CTNNA3: variants seen among roughly 807,000 people sequenced by gnomAD.
CTNNA3 encodes the protein catenin alpha 3, also known as catenin alpha-3.
Under a neutral mutation model 95.7 loss-of-function variants are expected in CTNNA3, and 76 were observed. The observed-to-expected ratio is 0.79, with a 90% confidence interval of 0.66 to 0.96. The LOEUF is 0.96. CTNNA3 is among the 40% of genes least tolerant of loss of function. CTNNA3 has a pLI of 0.00. For missense variants in CTNNA3, 1,191 were observed against 1,089.8 expected, an observed-to-expected ratio of 1.09 and a Z score of -1.31; for synonymous variants, 431 against 374.4, an observed-to-expected ratio of 1.15 and a Z score of -1.74.
At chr10:67,710,936 A>G (rs1327008672) in intron 1 of CTNNA3, among the ~76,000 whole-genome samples, 3 of 152,104 alleles carry the variant, frequency 2.0e-5, no homozygotes, top group Non-Finnish European at 4.4e-5. Context: ...TGTGGGAGGG[A>G]CCAAGTGGGA....
chr10:66,857,965 G>T (rs1172448320), intron 7 of CTNNA3, among the ~76,000 whole-genome samples: 1 of 152,066 alleles, frequency 6.6e-6, no homozygotes, highest in Non-Finnish European at 1.5e-5. Flanking sequence ...GTGAGACAGG[G>T]CATCCTTGTC....
chr10:66,263,806 A>G (rs2091076636), intron 13 of CTNNA3, among the ~76,000 whole-genome samples: 1 of 151,926 alleles, frequency 6.6e-6, no homozygotes, highest in South Asian at 2.1e-4. Flanking sequence ...CTAAACATAC[A>G]TTACCTACTT....
intron 3 of CTNNA3, among the ~76,000 whole-genome samples, chr10:67,542,299 C>T (rs1346132214): frequency 1.3e-5 from 2 of 152,018 alleles, no homozygotes; most frequent in Non-Finnish European, 2.9e-5. Flanking sequence ...CAATAAGATT[C>T]TATGTTTTCT....
At chr10:67,210,036 G>C (rs1019942959) in intron 6 of CTNNA3, among the ~76,000 whole-genome samples, 1 of 152,202 alleles carries the variant, frequency 6.6e-6, no homozygotes, top group South Asian at 2.1e-4. Context: ...GGCCAGGCAC[G>C]GTGGCTCAAG....
intron 14 of CTNNA3, 108 bp downstream of exon 14, chr10:66,103,049 C>T: frequency 1.2e-6 from 1 of 828,292 alleles, no homozygotes; most frequent in Non-Finnish European, 2.1e-6. Flanking sequence ...ACAGAACTAG[C>T]TCCAGATCCA....
chr10:66,687,734 TAC>T (rs56196721), intron 9 of CTNNA3, among the ~76,000 whole-genome samples: 5 of 148,844 alleles, frequency 3.4e-5, no homozygotes, highest in South Asian at 2.1e-4. Flanking sequence ...CACACACACA[TAC>T]ACACACACAC....
chr10:65,993,186 A>T (rs1343486117), intron 15 of CTNNA3, among the ~76,000 whole-genome samples: 5 of 152,212 alleles, frequency 3.3e-5, no homozygotes, highest in African/African-American at 1.2e-4. Context: ...CAGGATGTCT[A>T]TGTGGTTATG....
chr10:67,324,565 C>A (rs11510949), intron 5 of CTNNA3, among the ~76,000 whole-genome samples: 6,537 of 152,164 alleles, frequency 0.043, 247 homozygotes, highest in Non-Finnish European at 0.071. Flanking sequence ...ATTGAACCAA[C>A]CTTGCATTCT....
chr10:66,966,289 C>G (rs1849406939), intron 7 of CTNNA3, among the ~76,000 whole-genome samples: 1 of 152,010 alleles, frequency 6.6e-6, no homozygotes, highest in African/African-American at 2.4e-5. Flanking sequence ...TTAAATTAAT[C>G]TTTTAAGTAA....
chr10:67,129,863 T>G (rs1859904832), intron 7 of CTNNA3, among the ~76,000 whole-genome samples: 1 of 152,134 alleles, frequency 6.6e-6, no homozygotes, highest in Admixed American at 6.6e-5. Flanking sequence ...CCACCATGAT[T>G]GTGACAGTTA....
intron 15 of CTNNA3, among the ~76,000 whole-genome samples, chr10:66,011,758 C>T (rs2079009414): frequency 6.6e-6 from 1 of 152,308 alleles, no homozygotes; most frequent in South Asian, 2.1e-4. Flanking sequence ...AATCGACACA[C>T]AGCAACTCTC....
At chr10:66,908,696 T>A (rs1846098123) in intron 7 of CTNNA3, among the ~76,000 whole-genome samples, 1 of 152,104 alleles carries the variant, frequency 6.6e-6, no homozygotes, top group African/African-American at 2.4e-5. Context: ...AAAAATTCAT[T>A]TTTATTATAG....
chr10:67,393,262 T>C (rs1013429325), intron 5 of CTNNA3, among the ~76,000 whole-genome samples: 20 of 152,124 alleles, frequency 1.3e-4, no homozygotes, highest in African/African-American at 4.1e-4. Flanking sequence ...CATACCATCA[T>C]TGTTGACCAA....
At chr10:65,947,092 T>TTG (rs2077528484) in intron 17 of CTNNA3, among the ~76,000 whole-genome samples, 1 of 38,578 alleles carries the variant, frequency 2.6e-5, no homozygotes, top group African/African-American at 2.2e-4. Flanking sequence ...TTTTGTTTGT[T>TTG]TTTTTTTTTT....
At chr10:67,120,496 A>C (rs1018726013) in intron 7 of CTNNA3, among the ~76,000 whole-genome samples, 3 of 151,964 alleles carry the variant, frequency 2.0e-5, no homozygotes, top group Non-Finnish European at 4.4e-5. Flanking sequence ...AAAATCTTAA[A>C]ATACTTTGCA....
chr10:66,425,790 C>T (rs1163544167), intron 11 of CTNNA3, among the ~76,000 whole-genome samples: 1 of 151,944 alleles, frequency 6.6e-6, no homozygotes, highest in Non-Finnish European at 1.5e-5. Context: ...CACAGCTGTA[C>T]TGCTCTATAA....
intron 9 of CTNNA3, among the ~76,000 whole-genome samples, chr10:66,760,883 C>T (rs542150227): frequency 6.6e-6 from 1 of 152,214 alleles, no homozygotes; most frequent in East Asian, 1.9e-4. Flanking sequence ...CCTATAGCAT[C>T]CCTTCCCTAC....
At chr10:67,375,565 A>G (rs533172484) in intron 5 of CTNNA3, among the ~76,000 whole-genome samples, 12 of 152,186 alleles carry the variant, frequency 7.9e-5, no homozygotes, top group African/African-American at 2.9e-4. Context: ...GTGAGCCAAG[A>G]GCACTCCACC....
At chr10:66,748,271 C>T (rs751589116) in intron 9 of CTNNA3, among the ~76,000 whole-genome samples, 1 of 152,148 alleles carries the variant, frequency 6.6e-6, no homozygotes, top group Non-Finnish European at 1.5e-5. Flanking sequence ...AAAGCAATTC[C>T]GCAGACATTT....
Sources: allele counts gnomAD v4.1 joint callset (sites outside exome capture counted in the v4.1 genomes callset), GRCh38; gene constraint gnomAD v4.1.1; transcripts MANE v1.5; gene names NCBI Gene and HGNC (gene_info 2026-07-23, HGNC 2026-07-21).